PAWR: variants seen among roughly 807,000 people sequenced by gnomAD.
The protein encoded by PAWR is pro-apoptotic WT1 regulator.
A neutral mutation model predicts 32.0 loss-of-function variants in PAWR; 23 were observed. That is an observed-to-expected ratio of 0.72 (90% CI 0.52 to 1.02). PAWR has a LOEUF of 1.02. Among genes scored for constraint, PAWR ranks in the 50% least tolerant of loss-of-function variants. The probability of loss-of-function intolerance (pLI) is 0.00; values close to 1 mark genes in which losing one functional copy is unlikely to be tolerated. For synonymous variants in PAWR, 226 were observed against 187.1 expected (o/e 1.21, Z -1.70); for missense variants, 457 against 437.7 (o/e 1.04, Z -0.39).
At chr12:79,596,179 AAAG>A (rs1193325722) in intron 5 of PAWR, among the ~76,000 whole-genome samples, 2 of 152,188 alleles carry the variant, frequency 1.3e-5, no homozygotes, top group Non-Finnish European at 2.9e-5. Flanking sequence ...ACTTGCACTG[AAAG>A]ACACTTTTAA....
At position 79,690,873 on chromosome 12, in the gene PAWR, T is replaced by C. The variant is rs1158948508; in HGVS notation, c.-149A>G. On this transcript the variant is annotated splice_region_variant and 5_prime_UTR_variant, in exon 1 of 7. Transcript: ENST00000328827. The stretch of plus-strand genomic sequence containing the variant: ...ACCGGGTGTGAGCGAGCGCCTTACC[T>C]TGGAGGAGCTTGTAGGGGACGAGGC... 1.3e-5 allele frequency: 2 copies of C among 152,058 alleles called. No individual in the cohort carries two copies. The highest frequency in any genetic ancestry group is 3.9e-4 in the East Asian group (2 of 5,134). 9.4% of individuals were successfully genotyped at this position (152,058 alleles called of 1,614,324 possible).
Position 79,621,119 on chromosome 12 carries a change from T to G in PAWR, c.605A>C (p.Glu202Ala), listed in dbSNP as rs8176870. ...AITQQNTIQN[E>A]AVNLLDPGSS... The stretch of plus-strand genomic sequence containing the variant: ...GCCTGGATCTAGTAAGTTTACAGCT[T>G]CATTCTGAATAGTGTTCTGTTGTGT... Residue 202 changes from glutamate (E) to alanine (A), a missense_variant, in exon 3 of 7, where the codon GAA becomes GCA. Glu to Ala is a moderately radical substitution (Grantham distance 107, BLOSUM62 -1). Coordinates refer to ENST00000328827, the MANE Select transcript of PAWR (RefSeq NM_002583.4). 221 of 1,609,484 alleles carry G rather than the reference T, an allele frequency of 1.4e-4. No homozygotes were observed. Among genetic ancestry groups the G allele is most frequent in the Non-Finnish European group, 1.8e-4 (208 of 1,177,044 alleles).
chr12:79,625,840 G>A (rs1041155328), intron 2 of PAWR, among the ~76,000 whole-genome samples: 1 of 146,684 alleles, frequency 6.8e-6, no homozygotes, highest in East Asian at 2.1e-4. Flanking sequence ...AAACAAAAAA[G>A]TAACAGACGG....
chr12:79,623,119 G>A (rs556062021), intron 2 of PAWR, among the ~76,000 whole-genome samples: 45 of 152,108 alleles, frequency 3.0e-4, no homozygotes, highest in Non-Finnish European at 5.6e-4. Flanking sequence ...CTAGTTAAGT[G>A]ACTAGTTAAA....
intron 4 of PAWR, chr12:79,604,638 C>CT: frequency 7.8e-7 from 1 of 1,287,402 alleles, no homozygotes; most frequent in Non-Finnish European, 1.0e-6. Context: ...CTTTTAGTAT[C>CT]TTTCACTGCC....
At chr12:79,623,730 C>G (rs1376979452) in intron 2 of PAWR, among the ~76,000 whole-genome samples, 1 of 151,754 alleles carries the variant, frequency 6.6e-6, no homozygotes, top group East Asian at 1.9e-4. Flanking sequence ...AAATTCCAAT[C>G]AAAATCATGA....
At chr12:79,594,500 A>G in intron 5 of PAWR, 67 bp from the exon 6 acceptor site, 1 of 736,730 alleles carries the variant, frequency 1.4e-6, no homozygotes, top group South Asian at 1.7e-5. Flanking sequence ...CCTAAGTGGC[A>G]TATATCTCCC....
rs1211014777 is a variant in PAWR, at chr12:79,589,924, G to A, written c.*2683C>T. Reference sequence around the variant, plus strand: ...ACAAGTCTTTTAGGGTAGTGCACATGTACTTAAAAACTACCTTCTACCAAT... The same window carrying A: ...ACAAGTCTTTTAGGGTAGTGCACATATACTTAAAAACTACCTTCTACCAAT... On this transcript the variant is annotated 3_prime_UTR_variant, in exon 7 of 7. Coordinates refer to ENST00000328827, the MANE Select transcript of PAWR (RefSeq NM_002583.4). 2.0e-5 allele frequency: 3 copies of A among 152,104 alleles called. No homozygotes were observed. 9.4% of individuals were successfully genotyped at this position (152,104 alleles called of 1,614,324 possible).
chr12:79,609,472 G>C (rs548553688), intron 4 of PAWR, among the ~76,000 whole-genome samples: 1 of 152,018 alleles, frequency 6.6e-6, no homozygotes, highest in Non-Finnish European at 1.5e-5. Context: ...ATGCATCCCT[G>C]TTTTCCTGCT....
At chr12:79,676,820 T>C (rs1457604709) in intron 2 of PAWR, among the ~76,000 whole-genome samples, 1 of 152,170 alleles carries the variant, frequency 6.6e-6, no homozygotes, top group Non-Finnish European at 1.5e-5. Flanking sequence ...CAGCCTGAAA[T>C]AGAACTCTCC....
intron 2 of PAWR, among the ~76,000 whole-genome samples, chr12:79,659,594 C>T (rs1466914407): frequency 6.6e-6 from 1 of 152,086 alleles, no homozygotes; most frequent in African/African-American, 2.4e-5. Context: ...AAAATTTTTC[C>T]ATGGCAAATC....
In PAWR at chr12:79,632,338, T is replaced by TAC. The variant is rs1566011012; in HGVS notation, c.517-11132_517-11131insGT. ...ATATATATATATATATATATATATA[T>TAC]ATATATATATATATATATATATATT... On this transcript the variant is annotated intron_variant, in intron 2 of 6. Coordinates refer to ENST00000328827, the MANE Select transcript of PAWR (RefSeq NM_002583.4). 6.5e-3 allele frequency among the ~76,000 whole-genome samples: 383 copies of TAC among 58,684 alleles called. 26 individuals are homozygous for TAC. Among genetic ancestry groups the TAC allele is most frequent in the South Asian group, 0.052 (93 of 1,788 alleles). The allele number at this position is 58,684 out of a possible 152,430, so 38.5% of individuals were successfully genotyped here.
rs1248326598 is a variant in PAWR at position 79,613,514 on chromosome 12, T to G, written c.683+61A>C. ...GCTGCTTTAAATAGTTCTAGTTAAG[T>G]CAATGTCAGACAGACATTACATTCA... On this transcript the variant is annotated intron_variant, in intron 4 of 6. Coordinates refer to ENST00000328827, the MANE Select transcript of PAWR (RefSeq NM_002583.4). 5 of 862,528 alleles carry G rather than the reference T, an allele frequency of 5.8e-6. No homozygotes were observed. In the African/African-American group the frequency reaches 6.7e-5, roughly 12 times the overall value. 53.4% of individuals were successfully genotyped at this position (862,528 alleles called of 1,614,324 possible). A position where few individuals can be genotyped will look rare whatever the true frequency, so the allele number is the denominator to read the frequency against.
At chr12:79,608,544 G>A (rs1393948613) in intron 4 of PAWR, among the ~76,000 whole-genome samples, 2 of 152,184 alleles carry the variant, frequency 1.3e-5, no homozygotes. Flanking sequence ...CCACAGACAG[G>A]TAGCAGTCCA....
At chr12:79,653,773 C>T (rs1467626344) in intron 2 of PAWR, among the ~76,000 whole-genome samples, 2 of 152,254 alleles carry the variant, frequency 1.3e-5, no homozygotes, top group African/African-American at 4.8e-5. Flanking sequence ...GCCACTGCAC[C>T]TGCCCTCAGT....
chr12:79,598,228 A>G (rs1230022767), intron 4 of PAWR, among the ~76,000 whole-genome samples: 2 of 152,234 alleles, frequency 1.3e-5, no homozygotes, highest in African/African-American at 4.8e-5. Flanking sequence ...GGTAGGGTTC[A>G]CTGGGGGCTA....
intron 2 of PAWR, among the ~76,000 whole-genome samples, chr12:79,639,440 G>A (rs770613438): frequency 2.0e-5 from 3 of 152,108 alleles, no homozygotes; most frequent in Non-Finnish European, 4.4e-5. Context: ...GTTTCCACAT[G>A]CACAGCACAA....
Position 79,588,624 on chromosome 12 carries a change from A to C in PAWR, c.*3983T>G, listed in dbSNP as rs1451318156. On this transcript the variant is annotated 3_prime_UTR_variant, in exon 7 of 7. Transcript: ENST00000328827. ...GCATTTTGTGCTACTGACATGCACT[A>C]TATAGATCGTACACTACTAGATGGA... 6.6e-6 allele frequency: 1 copy of C among 152,014 alleles called. No individual in the cohort carries two copies. Among genetic ancestry groups the C allele is most frequent in the Non-Finnish European group, 1.5e-5 (1 of 67,890 alleles). 9.4% of individuals were successfully genotyped at this position (152,014 alleles called of 1,614,324 possible).
rs1566011016 is a variant in PAWR at position 79,632,338 on chromosome 12, TATATATATATATATATATATATA to T, written c.517-11154_517-11132del. ...ATATATATATATATATATATATATA[TATATATATATATATATATATATA>T]TTTTTTTTTTTTTTTAGACAGGGTC... On this transcript the variant is annotated intron_variant, in intron 2 of 6. Transcript: ENST00000328827. Among the ~76,000 whole-genome samples the T allele has an allele frequency of 6.6e-4, 39 of 58,684 alleles. 2 individuals are homozygous for T. In the African/African-American group the frequency reaches 6.9e-3, roughly 10 times the overall value. The allele number at this position is 58,684 out of a possible 152,430, so 38.5% of individuals were successfully genotyped here.
Sources: allele counts gnomAD v4.1 joint callset (sites outside exome capture counted in the v4.1 genomes callset), GRCh38; gene constraint gnomAD v4.1.1; transcripts MANE v1.5; gene names NCBI Gene and HGNC (gene_info 2026-07-23, HGNC 2026-07-21).